The following OSBPL10 variants were observed in gnomAD, a reference collection of about 807,000 sequenced individuals.
OSBPL10 encodes oxysterol-binding protein-related protein 10.
A neutral mutation model predicts 81.7 loss-of-function variants in OSBPL10; 49 were observed. The observed-to-expected ratio is 0.60, with a 90% CI of 0.48 to 0.76. The LOEUF is 0.76. Among genes scored for constraint, OSBPL10 ranks in the 30% least tolerant of loss-of-function variants. OSBPL10 has a pLI of 0.00. For synonymous variants in OSBPL10, 419 were observed against 383.6 expected (o/e 1.09, Z -1.08); for missense variants, 923 against 987.8 (o/e 0.93, Z 0.88).
At chr3:32,002,143 CTCATTCATTTACTCAT>C (rs1187826950) in intron 2 of OSBPL10, among the ~76,000 whole-genome samples, 1 of 152,202 alleles carries the variant, frequency 6.6e-6, no homozygotes, top group Non-Finnish European at 1.5e-5. Context: ...ACATTACTCA[CTCATTCATTTACTCAT>C]TCATTCATTT....
At chr3:31,781,387 C>T (rs1698691565) in intron 4 of OSBPL10, among the ~76,000 whole-genome samples, 1 of 152,118 alleles carries the variant, frequency 6.6e-6, no homozygotes, top group Admixed American at 6.5e-5. Context: ...AAAGCATTCC[C>T]CCTGAGAACT....
At chr3:32,065,975 G>T (rs1254294992) in intron 1 of OSBPL10, among the ~76,000 whole-genome samples, 1 of 61,170 alleles carries the variant, frequency 1.6e-5, no homozygotes, top group Admixed American at 2.4e-4. Flanking sequence ...AAGAAAGAAA[G>T]AAAGAAAGAA....
At chr3:32,009,919 A>C (rs558384298) in intron 2 of OSBPL10, among the ~76,000 whole-genome samples, 1 of 152,326 alleles carries the variant, frequency 6.6e-6, no homozygotes, top group Non-Finnish European at 1.5e-5. Context: ...AAACTATTGA[A>C]GCATTCGTTA....
intron 1 of OSBPL10, among the ~76,000 whole-genome samples, chr3:31,922,663 T>TA (rs1175372369): frequency 6.6e-6 from 1 of 152,032 alleles, no homozygotes; most frequent in Admixed American, 6.6e-5. Context: ...AAAACAATAA[T>TA]AAAGTCTATT....
At chr3:31,836,327 G>A (rs554431361) in intron 3 of OSBPL10, among the ~76,000 whole-genome samples, 16 of 152,246 alleles carry the variant, frequency 1.1e-4, no homozygotes, top group East Asian at 1.9e-4. Flanking sequence ...ATGAAAAATC[G>A]TGGTTCTTCC....
At chr3:31,836,057 A>C (rs1346264676) in intron 3 of OSBPL10, among the ~76,000 whole-genome samples, 2 of 152,202 alleles carry the variant, frequency 1.3e-5, no homozygotes, top group Non-Finnish European at 2.9e-5. Flanking sequence ...ACAGACCTAA[A>C]GTAGAAGTAA....
At chr3:32,057,250 T>C (rs1699719318) in intron 1 of OSBPL10, among the ~76,000 whole-genome samples, 1 of 152,204 alleles carries the variant, frequency 6.6e-6, no homozygotes, top group African/African-American at 2.4e-5. Context: ...TCATTTACCT[T>C]CCTAATAAAC....
intron 1 of OSBPL10, among the ~76,000 whole-genome samples, chr3:31,915,442 A>T (rs1696727031): frequency 1.3e-5 from 2 of 152,204 alleles, no homozygotes; most frequent in South Asian, 4.1e-4. Flanking sequence ...TAAAAAAATA[A>T]TCATTTCCTT....
chr3:31,828,692 C>A (rs1036102152), intron 4 of OSBPL10, among the ~76,000 whole-genome samples: 3 of 152,148 alleles, frequency 2.0e-5, no homozygotes, highest in African/African-American at 7.2e-5. Flanking sequence ...GCCACCATGC[C>A]CAGCTAATTT....
At chr3:31,935,511 T>TA (rs1697359130) in intron 1 of OSBPL10, among the ~76,000 whole-genome samples, 1 of 141,716 alleles carries the variant, frequency 7.1e-6, no homozygotes, top group African/African-American at 2.8e-5. Context: ...TCCTATGAAA[T>TA]AGATTTTTTT....
intron 6 of OSBPL10, among the ~76,000 whole-genome samples, chr3:31,729,632 G>T (rs1176990808): frequency 6.6e-6 from 1 of 152,104 alleles, no homozygotes; most frequent in Non-Finnish European, 1.5e-5. Context: ...TGTTGGTCAG[G>T]CTGGTCTCAA....
At chr3:31,673,926 A>T (rs1199527116) in intron 8 of OSBPL10, among the ~76,000 whole-genome samples, 1 of 151,964 alleles carries the variant, frequency 6.6e-6, no homozygotes, top group South Asian at 2.1e-4. Context: ...GACTACAAGC[A>T]TGCACCACCA....
intron 4 of OSBPL10, among the ~76,000 whole-genome samples, chr3:31,753,907 A>G (rs1697800048): frequency 6.6e-6 from 1 of 152,168 alleles, no homozygotes; most frequent in East Asian, 1.9e-4. Context: ...TCACAGTGGC[A>G]AACAATAAAG....
intron 1 of OSBPL10, among the ~76,000 whole-genome samples, chr3:31,892,387 C>A (rs1156671607): frequency 6.6e-6 from 1 of 152,162 alleles, no homozygotes; most frequent in African/African-American, 2.4e-5. Context: ...ACCAGAACTA[C>A]TTTGTAGAAA....
chr3:31,775,535 T>TGGGA (rs1223155631), intron 4 of OSBPL10, among the ~76,000 whole-genome samples: 3 of 151,928 alleles, frequency 2.0e-5, no homozygotes, highest in South Asian at 2.1e-4. Context: ...GGTCTGAGCG[T>TGGGA]GGGAGGGAGT....
chr3:31,968,734 TC>T (rs1448673565), intron 1 of OSBPL10, among the ~76,000 whole-genome samples: 3 of 152,206 alleles, frequency 2.0e-5, no homozygotes, highest in Admixed American at 2.0e-4. Flanking sequence ...TGTAAACTGA[TC>T]TTTGACATAA....
intron 4 of OSBPL10, among the ~76,000 whole-genome samples, chr3:31,821,795 G>A (rs1301944405): frequency 2.0e-5 from 3 of 152,178 alleles, no homozygotes; most frequent in Non-Finnish European, 2.9e-5. Flanking sequence ...TGATGGGATT[G>A]TCTGTATTCA....
At chr3:31,670,358 C>T (rs929312479) in intron 9 of OSBPL10, among the ~76,000 whole-genome samples, 1 of 152,234 alleles carries the variant, frequency 6.6e-6, no homozygotes, top group Non-Finnish European at 1.5e-5. Flanking sequence ...TAGGCTTGGG[C>T]TTCCCCAGTT....
At chr3:31,682,552 G>A (rs560000859) in intron 8 of OSBPL10, among the ~76,000 whole-genome samples, 12 of 152,148 alleles carry the variant, frequency 7.9e-5, no homozygotes, top group African/African-American at 1.9e-4. Flanking sequence ...CTCTTTGCCC[G>A]CTTTGGGTCT....
Sources: gnomAD v4.1 joint callset for allele counts (sites outside exome capture counted in the v4.1 genomes callset) on GRCh38, gnomAD v4.1.1 for gene constraint, MANE v1.5 for transcripts, NCBI Gene and HGNC (gene_info 2026-07-23, HGNC 2026-07-21) for gene names.